The following GLYATL1 variants were observed in gnomAD, a reference collection of about 807,000 sequenced individuals.
GLYATL1 encodes the protein glycine-N-acyltransferase like 1.
Under a neutral mutation model 20.0 loss-of-function variants are expected in GLYATL1, and 15 were observed. The observed-to-expected ratio is 0.75, with a 90% CI of 0.50 to 1.15. The LOEUF (loss-of-function observed/expected upper bound fraction) is 1.15, where lower values mean the gene tolerates loss of function less well. Among genes scored for constraint, GLYATL1 ranks in the 50% most tolerant of loss-of-function variants. GLYATL1 has a pLI of 0.00. For missense variants in GLYATL1, 380 were observed against 368.5 expected (o/e 1.03, Z -0.26); for synonymous variants, 151 against 131.5 (o/e 1.15, Z -1.01).
At chr11:58,937,109 C>G (rs1006388761), upstream of GLYATL1, among the ~76,000 whole-genome samples, 10 of 152,228 alleles carry the variant, frequency 6.6e-5, no homozygotes, top group African/African-American at 1.9e-4. Context: ...GTTTACTTGG[C>G]TCTTCTGTGT....
upstream of GLYATL1, among the ~76,000 whole-genome samples, chr11:58,937,174 C>T (rs545609251): frequency 3.3e-5 from 5 of 152,312 alleles, no homozygotes; most frequent in Admixed American, 2.6e-4. Context: ...CAGAGAGGTG[C>T]AGCCACATCT....
Position 58,947,035 on chromosome 11 carries a change from T to C in GLYATL1, c.-42-11T>C, listed in dbSNP as rs753110546. On this transcript the variant is annotated splice_polypyrimidine_tract_variant and intron_variant, in intron 2 of 6. Coordinates refer to ENST00000532726, the MANE Select transcript of GLYATL1 (RefSeq NM_001389712.2). ...TCCTTAACATTTTCCCTTCATTTCTTATCTTTTCAGAGTTTCTTCTTCAAG... is the reference window on the plus strand; with the variant it reads ...TCCTTAACATTTTCCCTTCATTTCTCATCTTTTCAGAGTTTCTTCTTCAAG... The C allele has an allele frequency of 6.2e-7, 1 of 1,601,188 alleles. No homozygotes were observed. Among genetic ancestry groups the C allele is most frequent in the South Asian group, 1.1e-5 (1 of 90,816 alleles).
chr11:58,910,840 T>G (rs1313220788), downstream of GLYATL1, among the ~76,000 whole-genome samples: 1 of 152,242 alleles, frequency 6.6e-6, no homozygotes, highest in African/African-American at 2.4e-5. Flanking sequence ...TTCAGTCTTC[T>G]GAGTATACAG....
intron 1 of GLYATL1, among the ~76,000 whole-genome samples, chr11:58,918,052 T>C (rs1384343006): frequency 6.6e-6 from 1 of 152,230 alleles, no homozygotes; most frequent in Non-Finnish European, 1.5e-5. Context: ...TACAATTTTT[T>C]TCTTCACTGA....
chr11:58,905,685 C>T (rs78275034), intron 1 of GLYATL1: 7,917 of 334,814 alleles, frequency 0.024, 179 homozygotes, highest in East Asian at 0.058. Context: ...GGCTGTGGAC[C>T]GAGTGGTTCG....
rs1475688200 is a variant in GLYATL1 at position 58,955,850 on chromosome 11, G to T, written c.732G>T (p.Met244Ile). 4.3e-6 allele frequency: 7 copies of T among 1,614,192 alleles called. No homozygotes were observed. The highest frequency in any genetic ancestry group is 5.9e-6 in the Non-Finnish European group (7 of 1,180,046). ...SMEKYRRTGN[M>I]ARVMVRYMKY... ...AAAAATACCGAAGGACAGGCAACAT[G>T]GCACGAGTGATGGTGCGATACATGA... The change falls in exon 7 of 7, where the codon ATG (methionine) becomes ATT (isoleucine). Residue 244 changes from methionine to isoleucine, a missense_variant. Physicochemically the swap from Met to Ile is conservative, Grantham distance 10 (BLOSUM62 1). Coordinates refer to ENST00000532726, the MANE Select transcript of GLYATL1 (RefSeq NM_001389712.2).
chr11:58,917,556 T>C (rs1245423851), intron 1 of GLYATL1, among the ~76,000 whole-genome samples: 2 of 152,244 alleles, frequency 1.3e-5, no homozygotes, highest in African/African-American at 4.8e-5. Context: ...TGACTCTTGC[T>C]ATACAGCCTA....
intron 1 of GLYATL1, among the ~76,000 whole-genome samples, chr11:58,929,739 C>T (rs1263111085): frequency 6.6e-6 from 1 of 152,218 alleles, no homozygotes; most frequent in Non-Finnish European, 1.5e-5. Context: ...GATCACTACT[C>T]ATCTAAAGAC....
At chr11:58,933,350 C>T (rs758776919) in intron 1 of GLYATL1, among the ~76,000 whole-genome samples, 1 of 152,186 alleles carries the variant, frequency 6.6e-6, no homozygotes, top group African/African-American at 2.4e-5. Flanking sequence ...AATCTCAGCT[C>T]ATTCCATTGT....
intron 1 of GLYATL1, among the ~76,000 whole-genome samples, chr11:58,905,819 A>C (rs1335168462): frequency 2.0e-5 from 3 of 152,154 alleles, no homozygotes; most frequent in Non-Finnish European, 4.4e-5. Flanking sequence ...CCAGGCGTGC[A>C]CTCTCATCCC....
intron 1 of GLYATL1, among the ~76,000 whole-genome samples, chr11:58,921,233 G>A (rs764866667): frequency 2.6e-5 from 4 of 152,190 alleles, no homozygotes; most frequent in Admixed American, 6.5e-5. Context: ...GGAGTGGGAA[G>A]CGCACAAACA....
chr11:58,955,810 T>C lies in GLYATL1; in HGVS notation c.692T>C (p.Met231Thr). Residue 231 changes from methionine (M) to threonine (T), a missense_variant, in exon 7 of 7, where the codon ATG becomes ACG. Met to Thr is a moderately conservative substitution (Grantham distance 81, BLOSUM62 -1). Transcript: ENST00000532726. ...ATGGACCCTTCTTGTGAAGTAGGAA[T>C]GGCCTACAGCATGGAAAAATACCGA... is the stretch of plus-strand genomic sequence containing the variant. The part of the protein sequence containing the change: ...VTMDPSCEVG[M>T]AYSMEKYRRT... 1 of 1,614,188 alleles carries C rather than the reference T, an allele frequency of 6.2e-7. No individual in the cohort carries two copies. The highest frequency in any genetic ancestry group is 1.1e-5 in the South Asian group (1 of 91,086).
At chr11:58,934,611 T>G (rs934948226), upstream of GLYATL1, 1 of 152,282 alleles carries the variant, frequency 6.6e-6, no homozygotes, top group African/African-American at 2.4e-5. Context: ...GACTGGAACC[T>G]AAGTCCACAG....
intron 4 of GLYATL1, among the ~76,000 whole-genome samples, chr11:58,952,388 C>T (rs551684556): frequency 4.2e-4 from 64 of 152,204 alleles, no homozygotes; most frequent in Non-Finnish European, 7.5e-4. Context: ...TTTGTATCTG[C>T]ATGCATAAGG....
At chr11:58,928,527 A>G (rs969229756) in intron 1 of GLYATL1, 1 of 152,234 alleles carries the variant, frequency 6.6e-6, no homozygotes, top group Non-Finnish European at 1.5e-5. Flanking sequence ...TGGGGCACCA[A>G]TTGAGGTATT....
upstream of GLYATL1, among the ~76,000 whole-genome samples, chr11:58,926,045 G>A (rs1459521791): frequency 2.0e-5 from 3 of 152,264 alleles, no homozygotes; most frequent in East Asian, 5.8e-4. Context: ...TTAATTAAAT[G>A]AGTGTTATTA....
intron 4 of GLYATL1, among the ~76,000 whole-genome samples, chr11:58,954,424 T>C (rs1432853579): frequency 6.6e-6 from 1 of 152,128 alleles, no homozygotes; most frequent in Non-Finnish European, 1.5e-5. Flanking sequence ...GGTGATGCTA[T>C]ATATAAAATA....
chr11:58,932,911 G>A (rs1423423651), intron 1 of GLYATL1, among the ~76,000 whole-genome samples: 2 of 152,156 alleles, frequency 1.3e-5, no homozygotes. Flanking sequence ...TTTGTAGTGT[G>A]CTATTTTTTA....
intron 1 of GLYATL1, among the ~76,000 whole-genome samples, chr11:58,915,944 G>A (rs930941094): frequency 8.5e-5 from 13 of 152,184 alleles, no homozygotes; most frequent in African/African-American, 3.1e-4. Flanking sequence ...TGCTTTGAAT[G>A]TCTTTAGGTA....
Sources: allele counts gnomAD v4.1 joint callset (sites outside exome capture counted in the v4.1 genomes callset), GRCh38; gene constraint gnomAD v4.1.1; transcripts MANE v1.5; gene names NCBI Gene and HGNC (gene_info 2026-07-23, HGNC 2026-07-21).